DYNC1I1: variants seen among roughly 807,000 people sequenced by gnomAD.
The protein encoded by DYNC1I1 is cytoplasmic dynein 1 intermediate chain 1.
In DYNC1I1, 43 loss-of-function variants were observed where a neutral mutation model predicts 86.6. That is an observed-to-expected ratio of 0.50 (90% CI 0.39 to 0.64). DYNC1I1 has a LOEUF of 0.64. Among genes scored for constraint, DYNC1I1 ranks in the 30% least tolerant of loss-of-function variants. The probability of loss-of-function intolerance (pLI) is 0.00; values close to 1 mark genes in which losing one functional copy is unlikely to be tolerated. For missense variants in DYNC1I1, 604 were observed against 788.8 expected (o/e 0.77, Z 2.81); for synonymous variants, 262 against 283.7 (o/e 0.92, Z 0.77).
At chr7:95,913,099 A>G (rs565136999) in intron 6 of DYNC1I1, among the ~76,000 whole-genome samples, 6 of 152,276 alleles carry the variant, frequency 3.9e-5, no homozygotes, top group African/African-American at 1.4e-4. Flanking sequence ...GCTTAAGGTG[A>G]GCTAGTGTCT....
At chr7:95,866,469 A>G (rs1035324911) in intron 5 of DYNC1I1, among the ~76,000 whole-genome samples, 13 of 152,252 alleles carry the variant, frequency 8.5e-5, no homozygotes, top group African/African-American at 3.1e-4. Context: ...ACTCTTGCAT[A>G]GAGCCAAAGC....
chr7:95,953,899 A>G (rs777819379), intron 6 of DYNC1I1, among the ~76,000 whole-genome samples: 1 of 152,184 alleles, frequency 6.6e-6, no homozygotes, highest in Non-Finnish European at 1.5e-5. Flanking sequence ...ACTTAATTCT[A>G]TGCAGGCACA....
At chr7:95,836,112 A>G (rs1479377712) in intron 5 of DYNC1I1, among the ~76,000 whole-genome samples, 1 of 152,060 alleles carries the variant, frequency 6.6e-6, no homozygotes, top group Non-Finnish European at 1.5e-5. Context: ...GGCTGGTACC[A>G]ATTGTTCCTT....
intron 14 of DYNC1I1, among the ~76,000 whole-genome samples, chr7:96,062,133 C>T (rs956485840): frequency 2.0e-5 from 3 of 152,174 alleles, no homozygotes; most frequent in African/African-American, 7.2e-5. Flanking sequence ...CCCTGGCCCA[C>T]GTCCAGCTGC....
intron 4 of DYNC1I1, among the ~76,000 whole-genome samples, chr7:95,817,167 T>G (rs1185294804): frequency 6.6e-6 from 1 of 151,762 alleles, no homozygotes; most frequent in African/African-American, 2.4e-5. Context: ...GAGGATTGTT[T>G]GAGGCTAGGA....
At chr7:95,999,644 C>A (rs1793961275) in intron 10 of DYNC1I1, among the ~76,000 whole-genome samples, 1 of 152,104 alleles carries the variant, frequency 6.6e-6, no homozygotes, top group African/African-American at 2.4e-5. Flanking sequence ...AAAGAGAGTT[C>A]CGCCTGTGAA....
chr7:95,997,265 A>G (rs760356938), intron 10 of DYNC1I1, among the ~76,000 whole-genome samples: 3 of 152,000 alleles, frequency 2.0e-5, no homozygotes, highest in African/African-American at 7.2e-5. Flanking sequence ...CCTTCTGTAA[A>G]CATAGAAGCA....
chr7:95,808,093 A>G (rs1347048398), intron 2 of DYNC1I1, among the ~76,000 whole-genome samples: 2 of 152,034 alleles, frequency 1.3e-5, no homozygotes, highest in African/African-American at 4.8e-5. Flanking sequence ...TATTCTGCAA[A>G]TTTCTTTGGA....
chr7:95,801,305 A>C (rs1370689248), intron 1 of DYNC1I1, among the ~76,000 whole-genome samples: 1 of 152,210 alleles, frequency 6.6e-6, no homozygotes, highest in African/African-American at 2.4e-5. Flanking sequence ...GGGAATTCCA[A>C]CTTAAATGAT....
At chr7:95,983,692 T>A (rs909035735) in intron 7 of DYNC1I1, among the ~76,000 whole-genome samples, 2 of 152,194 alleles carry the variant, frequency 1.3e-5, no homozygotes, top group South Asian at 4.1e-4. Flanking sequence ...AAAAGATTCT[T>A]CTGACCATGT....
intron 5 of DYNC1I1, among the ~76,000 whole-genome samples, chr7:95,842,179 C>T (rs569177593): frequency 2.6e-5 from 4 of 152,152 alleles, no homozygotes; most frequent in East Asian, 3.9e-4. Context: ...CTGTTGCACC[C>T]GAGCGAGTTA....
At chr7:95,784,532 T>G (rs1794077997) in intron 1 of DYNC1I1, among the ~76,000 whole-genome samples, 1 of 152,170 alleles carries the variant, frequency 6.6e-6, no homozygotes, top group Non-Finnish European at 1.5e-5. Context: ...GGGGGCAACT[T>G]GAGGTGATGC....
At chr7:96,002,051 G>A (rs1794024942) in intron 10 of DYNC1I1, among the ~76,000 whole-genome samples, 1 of 152,004 alleles carries the variant, frequency 6.6e-6, no homozygotes, top group Non-Finnish European at 1.5e-5. Flanking sequence ...TTCATTCATT[G>A]ACCCATTCAT....
chr7:95,823,462 GTC>G (rs1795126411), intron 4 of DYNC1I1, among the ~76,000 whole-genome samples: 1 of 152,190 alleles, frequency 6.6e-6, no homozygotes, highest in African/African-American at 2.4e-5. Flanking sequence ...AACTGTGCCA[GTC>G]TCTGAGCAAG....
rs140274959 is a variant in DYNC1I1 at position 95,894,392 on chromosome 7, G to A, written c.490+24394G>A. 1.3e-3 allele frequency among the ~76,000 whole-genome samples: 190 copies of A among 151,822 alleles called. 1 individual carries two copies. Among genetic ancestry groups the A allele is most frequent in the South Asian group, 2.3e-3 (11 of 4,786 alleles). Reference sequence around the variant, plus strand: ...CTCTTTATAAGAGTACCAATCCCCAGTTATCTCCCAAAGGACCTACATCTA... The same window carrying A: ...CTCTTTATAAGAGTACCAATCCCCAATTATCTCCCAAAGGACCTACATCTA... On this transcript the variant is annotated intron_variant, in intron 6 of 16. Coordinates refer to ENST00000447467, the MANE Select transcript of DYNC1I1 (RefSeq NM_001135556.2).
chr7:95,987,203 GC>G (rs1562964200), intron 9 of DYNC1I1, 48 bp downstream of exon 9: 1 of 1,498,316 alleles, frequency 6.7e-7, no homozygotes, highest in South Asian at 1.2e-5. Flanking sequence ...TGTTCTCGTG[GC>G]ATTTGTATAA....
intron 10 of DYNC1I1, among the ~76,000 whole-genome samples, chr7:96,020,898 AT>A (rs1256389408): frequency 6.6e-6 from 1 of 152,170 alleles, no homozygotes; most frequent in Non-Finnish European, 1.5e-5. Flanking sequence ...TCACAAAAGG[AT>A]AAATATTATA....
intron 5 of DYNC1I1, among the ~76,000 whole-genome samples, chr7:95,836,376 C>G (rs1359560139): frequency 1.3e-5 from 2 of 151,888 alleles, no homozygotes; most frequent in African/African-American, 4.8e-5. Flanking sequence ...GGTAACCCGA[C>G]CTTTCTCTCT....
At chr7:95,960,140 C>G (rs1472224372) in intron 6 of DYNC1I1, among the ~76,000 whole-genome samples, 2 of 152,116 alleles carry the variant, frequency 1.3e-5, no homozygotes, top group Non-Finnish European at 2.9e-5. Context: ...GAGTTTTGCT[C>G]TAGTCACCTA....
Sources: allele counts gnomAD v4.1 joint callset (sites outside exome capture counted in the v4.1 genomes callset), GRCh38; gene constraint gnomAD v4.1.1; transcripts MANE v1.5; gene names NCBI Gene and HGNC (gene_info 2026-07-23, HGNC 2026-07-21).